ODAD2: variants seen among roughly 807,000 people sequenced by gnomAD.
ODAD2 encodes the protein outer dynein arm docking complex subunit 2.
A neutral mutation model predicts 106.8 loss-of-function variants in ODAD2; 89 were observed. That is an observed-to-expected ratio of 0.83 (90% CI 0.70 to 0.99). The LOEUF is 0.99. Among genes scored for constraint, ODAD2 ranks in the 50% least tolerant of loss-of-function variants. ODAD2 has a pLI of 0.00. For missense variants in ODAD2, 1,168 were observed against 1,238.5 expected (o/e 0.94, Z 0.85); for synonymous variants, 404 against 436.2 (o/e 0.93, Z 0.92).
At position 27,993,972 on chromosome 10, in the gene ODAD2, A is replaced by ATGTGTGTGTG. The variant is rs777033435; in HGVS notation, c.224+946_224+947insCACACACACA. ...CTGAGGCTGGCAAATATATATATATATATGTGTGTGTGTGTGTGTGTGTGT... is the reference window on the plus strand; with the variant it reads ...CTGAGGCTGGCAAATATATATATATATGTGTGTGTGTATGTGTGTGTGTGTGTGTGTGTGT... On this transcript the variant is annotated intron_variant, in intron 2 of 19. Coordinates refer to ENST00000305242, the MANE Select transcript of ODAD2 (RefSeq NM_018076.5). 4.6e-3 allele frequency among the ~76,000 whole-genome samples: 421 copies of ATGTGTGTGTG among 92,136 alleles called. 5 individuals are homozygous for ATGTGTGTGTG. Among genetic ancestry groups the ATGTGTGTGTG allele is most frequent in the African/African-American group, 0.013 (398 of 31,796 alleles). 60.4% of individuals were successfully genotyped at this position (92,136 alleles called of 152,430 possible).
intron 17 of ODAD2, among the ~76,000 whole-genome samples, chr10:27,898,131 T>C (rs1173179126): frequency 1.3e-5 from 2 of 152,168 alleles, no homozygotes; most frequent in African/African-American, 4.8e-5. Context: ...AACTCACCAA[T>C]GATAATATTA....
intron 16 of ODAD2, among the ~76,000 whole-genome samples, chr10:27,921,325 C>G (rs947613334): frequency 4.1e-5 from 6 of 147,740 alleles, no homozygotes; most frequent in African/African-American, 7.5e-5. Context: ...AAAAAAAGAA[C>G]ATGAAATTTA....
At chr10:27,829,962 A>T (rs1013414210) in intron 19 of ODAD2, among the ~76,000 whole-genome samples, 10 of 151,904 alleles carry the variant, frequency 6.6e-5, no homozygotes, top group Non-Finnish European at 1.3e-4. Context: ...AGTGGAACCC[A>T]TTTCTTTTTT....
intron 19 of ODAD2, among the ~76,000 whole-genome samples, chr10:27,857,474 A>G (rs922578216): frequency 5.9e-5 from 9 of 152,188 alleles, no homozygotes; most frequent in Non-Finnish European, 2.9e-5. Flanking sequence ...TCAAAGGTCA[A>G]GTGTATTGGG....
chr10:27,852,960 C>CAAAAAAAAAAA (rs61548333), intron 19 of ODAD2, among the ~76,000 whole-genome samples: 2 of 84,758 alleles, frequency 2.4e-5, no homozygotes, highest in Non-Finnish European at 4.7e-5. Flanking sequence ...GACACAGTCT[C>CAAAAAAAAAAA]AAAAAAAAAA....
chr10:27,831,068 G>A (rs61843170), intron 19 of ODAD2, among the ~76,000 whole-genome samples: 3,763 of 152,228 alleles, frequency 0.025, 83 homozygotes, highest in Non-Finnish European at 0.04. Flanking sequence ...GGATGGGGGA[G>A]GGAAGAGGCA....
At chr10:27,870,210 T>G (rs1840755785) in intron 17 of ODAD2, among the ~76,000 whole-genome samples, 1 of 152,122 alleles carries the variant, frequency 6.6e-6, no homozygotes, top group Admixed American at 6.5e-5. Context: ...TTTCCCGATC[T>G]GGCCCAACCT....
In ODAD2 at chr10:27,944,797, A is replaced by C. The variant is rs1382821808; in HGVS notation, c.1533+19T>G. 1.2e-6 allele frequency: 2 copies of C among 1,614,040 alleles called. No individual in the cohort carries two copies. Among genetic ancestry groups the C allele is most frequent in the East Asian group, 4.5e-5 (2 of 44,862 alleles). ...AGGTGGGAACAAGACTCCGCATCCA[A>C]GGTGACAGAGCCACTCACCTTACAT... On this transcript the variant is annotated intron_variant, in intron 11 of 19. Transcript: ENST00000305242.
rs150198377 is a variant in ODAD2, at chr10:27,944,836, T to C, written c.1513A>G (p.Thr505Ala). 24 of 1,614,000 alleles carry C rather than the reference T, an allele frequency of 1.5e-5. No individual in the cohort carries two copies. The highest frequency in any genetic ancestry group is 2.0e-5 in the Non-Finnish European group (24 of 1,179,966). ...GLEVLINLLE[T>A]DEVKCKIGSL... ...CTCACCTTACATTTGACTTCATCGGTTTCAAGCAAATTTATCAGCACTTCC... is the reference window on the plus strand; with the variant it reads ...CTCACCTTACATTTGACTTCATCGGCTTCAAGCAAATTTATCAGCACTTCC... Residue 505 changes from threonine to alanine, a missense_variant, in exon 11 of 20, where the codon ACC becomes GCC. By Grantham distance (58) the Thr-to-Ala change is moderately conservative. Transcript: ENST00000305242.
intron 19 of ODAD2, among the ~76,000 whole-genome samples, chr10:27,850,124 T>G (rs1839134131): frequency 6.6e-6 from 1 of 152,166 alleles, no homozygotes; most frequent in African/African-American, 2.4e-5. Flanking sequence ...GGGCCTTAGT[T>G]TCCTCGTCTG....
At chr10:27,844,655 C>A (rs1214738750) in intron 19 of ODAD2, among the ~76,000 whole-genome samples, 3 of 152,050 alleles carry the variant, frequency 2.0e-5, no homozygotes, top group Non-Finnish European at 2.9e-5. Context: ...GTTTCCAACT[C>A]AATAGGTTAT....
intron 19 of ODAD2, among the ~76,000 whole-genome samples, chr10:27,831,096 G>T (rs1837442805): frequency 1.3e-5 from 2 of 152,120 alleles, no homozygotes; most frequent in Non-Finnish European, 2.9e-5. Flanking sequence ...GGATCTGGAG[G>T]CCAACGGCCC....
At chr10:27,833,947 C>A (rs931851880) in intron 19 of ODAD2, among the ~76,000 whole-genome samples, 24 of 152,188 alleles carry the variant, frequency 1.6e-4, no homozygotes, top group African/African-American at 4.6e-4. Context: ...ACATTCCAAG[C>A]CGAGAAAGGA....
intron 9 of ODAD2, among the ~76,000 whole-genome samples, chr10:27,964,792 G>A (rs554067173): frequency 6.6e-6 from 1 of 152,212 alleles, no homozygotes; most frequent in South Asian, 2.1e-4. Flanking sequence ...GCGTTTTCTT[G>A]TAGTGTCTTA....
intron 17 of ODAD2, among the ~76,000 whole-genome samples, chr10:27,877,040 A>G (rs1346115167): frequency 6.6e-6 from 1 of 152,168 alleles, no homozygotes; most frequent in Non-Finnish European, 1.5e-5. Context: ...TCACTCAGTG[A>G]ACATTCAAAA....
At chr10:27,916,365 G>A (rs1028903636) in intron 16 of ODAD2, among the ~76,000 whole-genome samples, 2 of 152,132 alleles carry the variant, frequency 1.3e-5, no homozygotes, top group Admixed American at 6.6e-5. Context: ...GCAAAGGGGA[G>A]GAGATGGGGA....
intron 2 of ODAD2, 89 bp downstream of exon 2, chr10:27,994,830 G>T: frequency 2.8e-6 from 4 of 1,412,088 alleles, no homozygotes; most frequent in South Asian, 2.8e-5. Flanking sequence ...GTTCAGAGAG[G>T]TTAGGTGACT....
intron 7 of ODAD2, among the ~76,000 whole-genome samples, chr10:27,973,726 G>A (rs951413795): frequency 5.3e-5 from 8 of 152,080 alleles, no homozygotes; most frequent in African/African-American, 1.2e-4. Flanking sequence ...TTGCTACTGC[G>A]AATAGTGCTG....
chr10:27,958,978 G>A (rs1564549075), intron 10 of ODAD2: 33 of 1,303,572 alleles, frequency 2.5e-5, no homozygotes, highest in Non-Finnish European at 2.9e-5. Context: ...TTTTGCTAAT[G>A]AAATAAAGAT....
Sources: gnomAD v4.1 joint callset for allele counts (sites outside exome capture counted in the v4.1 genomes callset) on GRCh38, gnomAD v4.1.1 for gene constraint, MANE v1.5 for transcripts, NCBI Gene and HGNC (gene_info 2026-07-23, HGNC 2026-07-21) for gene names.